NRXN3: variants seen among roughly 807,000 people sequenced by gnomAD.
The protein encoded by NRXN3 is neurexin III.
In NRXN3, 32 loss-of-function variants were observed where a neutral mutation model predicts 137.6. The observed-to-expected ratio is 0.23, with a 90% confidence interval of 0.18 to 0.31. The LOEUF (loss-of-function observed/expected upper bound fraction) is 0.31. NRXN3 is among the 10% of genes least tolerant of loss of function. The pLI is 1.00. For missense variants in NRXN3, 1,574 were observed against 2,062.5 expected (o/e 0.76, Z 4.59); for synonymous variants, 798 against 784.5 (o/e 1.02, Z -0.29).
intron 4 of NRXN3, among the ~76,000 whole-genome samples, chr14:78,611,677 A>G (rs1244132624): frequency 6.6e-6 from 1 of 152,172 alleles, no homozygotes; most frequent in Non-Finnish European, 1.5e-5. Context: ...GCTGCATTGC[A>G]AGTCAGATTT....
intron 3 of NRXN3, among the ~76,000 whole-genome samples, chr14:78,294,249 A>G (rs1378564112): frequency 1.3e-5 from 2 of 152,134 alleles, no homozygotes; most frequent in African/African-American, 4.8e-5. Flanking sequence ...AACATCAACA[A>G]CAACTGTTAT....
intron 15 of NRXN3, among the ~76,000 whole-genome samples, chr14:79,180,666 A>G (rs2062827655): frequency 6.6e-6 from 1 of 152,184 alleles, no homozygotes; most frequent in African/African-American, 2.4e-5. Flanking sequence ...TTTAGTTCAT[A>G]TCTAAAAACT....
At chr14:79,081,762 A>G (rs2047064894) in intron 15 of NRXN3, among the ~76,000 whole-genome samples, 1 of 152,212 alleles carries the variant, frequency 6.6e-6, no homozygotes, top group South Asian at 2.1e-4. Context: ...AAAATTAGAA[A>G]GAAGACACCC....
intron 15 of NRXN3, among the ~76,000 whole-genome samples, chr14:79,234,850 C>T (rs866025485): frequency 1.3e-4 from 19 of 151,988 alleles, no homozygotes; most frequent in African/African-American, 3.4e-4. Context: ...ATATCCAGCT[C>T]CTGGGAACAC....
chr14:78,275,266 A>G (rs1567143829), intron 2 of NRXN3, among the ~76,000 whole-genome samples: 1 of 152,160 alleles, frequency 6.6e-6, no homozygotes, highest in Non-Finnish European at 1.5e-5. Context: ...TGTCTGTTTC[A>G]TTCACTGCTT....
chr14:79,264,026 G>A (rs967082456), intron 15 of NRXN3, among the ~76,000 whole-genome samples: 18 of 152,134 alleles, frequency 1.2e-4, no homozygotes, highest in African/African-American at 3.9e-4. Context: ...ATCTGGTTAG[G>A]CCATCTTTAC....
intron 8 of NRXN3, among the ~76,000 whole-genome samples, chr14:78,759,932 A>T (rs956381505): frequency 3.3e-5 from 5 of 151,638 alleles, no homozygotes; most frequent in African/African-American, 1.2e-4. Flanking sequence ...TCCTATTAGT[A>T]TGCCCACTTT....
chr14:79,819,189 C>T (rs567562954), intron 20 of NRXN3, among the ~76,000 whole-genome samples: 17 of 152,134 alleles, frequency 1.1e-4, no homozygotes, highest in Non-Finnish European at 2.2e-4. Flanking sequence ...CAGTCCCTGC[C>T]CTATCTCCTC....
chr14:79,574,564 C>T (rs1462317927), intron 16 of NRXN3, among the ~76,000 whole-genome samples: 1 of 152,018 alleles, frequency 6.6e-6, no homozygotes, highest in Non-Finnish European at 1.5e-5. Flanking sequence ...AACTCTCTGG[C>T]TGTTGGCAGG....
chr14:79,748,892 G>A (rs1473407559), intron 19 of NRXN3, among the ~76,000 whole-genome samples: 4 of 151,712 alleles, frequency 2.6e-5, no homozygotes, highest in African/African-American at 9.7e-5. Context: ...TGCAAACATT[G>A]TGATTGTGGC....
chr14:79,601,392 G>C (rs221429), intron 16 of NRXN3, among the ~76,000 whole-genome samples: 73,827 of 151,930 alleles, frequency 0.49, 20,066 homozygotes, highest in African/African-American at 0.74. Flanking sequence ...ATCTATATGA[G>C]AAAGACAAAA....
chr14:78,980,145 T>A (rs1056891899), intron 14 of NRXN3, among the ~76,000 whole-genome samples: 14 of 152,210 alleles, frequency 9.2e-5, no homozygotes, highest in African/African-American at 3.1e-4. Context: ...CTTCACTCCT[T>A]GTGATTAAAG....
intron 4 of NRXN3, among the ~76,000 whole-genome samples, chr14:78,300,927 C>T (rs1567203040): frequency 6.6e-6 from 1 of 152,240 alleles, no homozygotes; most frequent in East Asian, 1.9e-4. Context: ...AAACTGAGGG[C>T]GGGCCTTCTG....
At chr14:78,524,664 C>T (rs1448017966) in intron 4 of NRXN3, among the ~76,000 whole-genome samples, 2 of 152,166 alleles carry the variant, frequency 1.3e-5, no homozygotes, top group Non-Finnish European at 2.9e-5. Flanking sequence ...ACACATCACT[C>T]TGAAACTTCA....
chr14:79,696,189 G>A (rs962171424), intron 18 of NRXN3, among the ~76,000 whole-genome samples: 1 of 151,942 alleles, frequency 6.6e-6, no homozygotes, highest in South Asian at 2.1e-4. Context: ...TCAACATTGT[G>A]TAGCCTTGAA....
At chr14:78,565,226 C>A (rs1484895586) in intron 4 of NRXN3, among the ~76,000 whole-genome samples, 1 of 152,110 alleles carries the variant, frequency 6.6e-6, no homozygotes, top group African/African-American at 2.4e-5. Flanking sequence ...CCTTTTGGTG[C>A]CAATCTATTC....
intron 16 of NRXN3, among the ~76,000 whole-genome samples, chr14:79,627,785 G>A (rs1208935397): frequency 6.6e-6 from 1 of 152,172 alleles, no homozygotes; most frequent in Non-Finnish European, 1.5e-5. Flanking sequence ...GAAGTACCAT[G>A]TTTAAGGCTT....
chr14:79,491,469 C>A (rs1000530350), intron 16 of NRXN3, among the ~76,000 whole-genome samples: 3 of 152,118 alleles, frequency 2.0e-5, no homozygotes, highest in African/African-American at 7.2e-5. Flanking sequence ...AGAGAAAAAT[C>A]CAGGTACATT....
At chr14:78,579,282 G>A (rs2096967697) in intron 4 of NRXN3, among the ~76,000 whole-genome samples, 1 of 152,144 alleles carries the variant, frequency 6.6e-6, no homozygotes, top group Non-Finnish European at 1.5e-5. Flanking sequence ...ATGGCAAAGT[G>A]CTCAGTTAGA....
Sources: gnomAD v4.1 joint callset for allele counts (sites outside exome capture counted in the v4.1 genomes callset) on GRCh38, gnomAD v4.1.1 for gene constraint, MANE v1.5 for transcripts, NCBI Gene and HGNC (gene_info 2026-07-23, HGNC 2026-07-21) for gene names.